Variants in COL4A2 observed in about 807,000 individuals in gnomAD.
The protein encoded by COL4A2 is collagen type IV alpha 2 chain.
Under a neutral mutation model 200.2 loss-of-function variants are expected in COL4A2, and 99 were observed. That is an observed-to-expected ratio of 0.49 (90% CI 0.42 to 0.58). The LOEUF (loss-of-function observed/expected upper bound fraction) is 0.58. Among genes scored for constraint, COL4A2 ranks in the 20% least tolerant of loss-of-function variants. The pLI, the probability that COL4A2 is intolerant of heterozygous loss-of-function variation, is 0.00. For missense variants in COL4A2, 1,950 were observed against 2,314.1 expected (o/e 0.84, Z 3.23); for synonymous variants, 897 against 900.6 (o/e 1.00, Z 0.07).
At chr13:110,374,854 C>G (rs1878170280) in intron 4 of COL4A2, among the ~76,000 whole-genome samples, 1 of 152,184 alleles carries the variant, frequency 6.6e-6, no homozygotes, top group Non-Finnish European at 1.5e-5. Flanking sequence ...CAGAAGCATT[C>G]CTGAGTCAAG....
intron 16 of COL4A2, 82 bp downstream of exon 16, chr13:110,439,915 G>A (rs753166059): frequency 3.3e-6 from 5 of 1,536,184 alleles, no homozygotes; most frequent in Non-Finnish European, 4.4e-6. Flanking sequence ...TGGCATCTCA[G>A]GAAAGAAAAT....
chr13:110,418,360 T>G (rs1880125967), intron 4 of COL4A2, among the ~76,000 whole-genome samples: 2 of 152,240 alleles, frequency 1.3e-5, no homozygotes, highest in Admixed American at 1.3e-4. Flanking sequence ...ACAATCAAAC[T>G]TTTTAAATCT....
At chr13:110,330,157 A>G (rs1015683902) in intron 3 of COL4A2, among the ~76,000 whole-genome samples, 3 of 152,194 alleles carry the variant, frequency 2.0e-5, no homozygotes, top group African/African-American at 7.2e-5. Flanking sequence ...CCTTTAACTG[A>G]GAATGGACCT....
At chr13:110,315,108 C>A (rs186903523) in intron 3 of COL4A2, among the ~76,000 whole-genome samples, 60 of 152,352 alleles carry the variant, frequency 3.9e-4, no homozygotes, top group Non-Finnish European at 7.9e-4. Context: ...CTGCCCGGCC[C>A]CTGCCAGTTC....
chr13:110,438,895 C>A lies in COL4A2; in HGVS notation c.912+227C>A, dbSNP rs536498271. ...ACAATCCGTGAACCATCTTGACACA[C>A]CGTCTTCACCCAGCAGCAGGTGTGC... On this transcript the variant is annotated intron_variant, in intron 15 of 47. Transcript: ENST00000360467. 9.1e-4 allele frequency among the ~76,000 whole-genome samples: 135 copies of A among 148,422 alleles called. 1 individual carries two copies. The highest frequency in any genetic ancestry group is 3.2e-3 in the African/African-American group (127 of 40,188).
intron 4 of COL4A2, among the ~76,000 whole-genome samples, chr13:110,375,520 G>C (rs1185366105): frequency 2.6e-5 from 4 of 152,158 alleles, no homozygotes; most frequent in Non-Finnish European, 5.9e-5. Flanking sequence ...AGGTATTTTG[G>C]ACCTTGAGTC....
intron 4 of COL4A2, among the ~76,000 whole-genome samples, chr13:110,419,464 G>A (rs996964160): frequency 1.3e-5 from 2 of 152,198 alleles, no homozygotes; most frequent in Admixed American, 6.5e-5. Context: ...TGTGTGATGT[G>A]GGGCCCTGAT....
At position 110,482,623 on chromosome 13, in the gene COL4A2, G is replaced by A. The variant is rs1427893299; in HGVS notation, c.2866G>A (p.Gly956Ser). The change falls in exon 32 of 48, where the codon GGT (glycine) becomes AGT (serine). Residue 956 changes from glycine (G) to serine (S), a missense_variant. Gly to Ser is a moderately conservative substitution (Grantham distance 56). Coordinates refer to ENST00000360467, the MANE Select transcript of COL4A2 (RefSeq NM_001846.4). Reference protein sequence around the residue: ...KGEAGFFGIPGLKGLAGEPGF... With the variant: ...KGEAGFFGIPSLKGLAGEPGF... ...CGAGGCTGGATTTTTCGGAATACCCGGTCTGAAGGGTCTGGCTGGTGAGCC... is the reference window on the plus strand; with the variant it reads ...CGAGGCTGGATTTTTCGGAATACCCAGTCTGAAGGGTCTGGCTGGTGAGCC... 5 of 1,613,960 alleles carry A rather than the reference G, an allele frequency of 3.1e-6. No homozygotes were observed. The highest frequency in any genetic ancestry group is 3.3e-5 in the Admixed American group (2 of 60,002).
chr13:110,386,736 T>C (rs1878767027), intron 4 of COL4A2, among the ~76,000 whole-genome samples: 1 of 152,138 alleles, frequency 6.6e-6, no homozygotes, highest in South Asian at 2.1e-4. Flanking sequence ...TAGAGAGTAC[T>C]CAGATAAAAA....
In COL4A2 at chr13:110,446,990, A is replaced by AT. The variant is rs200612311; in HGVS notation, c.1078+127dup. 71 of 351,020 alleles carry AT rather than the reference A, an allele frequency of 2.0e-4. 1 individual carries two copies. In the East Asian group the frequency reaches 2.3e-3, roughly 12 times the overall value. 21.7% of individuals were successfully genotyped at this position (351,020 alleles called of 1,614,324 possible). On this transcript the variant is annotated intron_variant, in intron 18 of 47. Transcript: ENST00000360467. ...CCCTAAAACTTAAAGTATAATAATA[A>AT]TAAAAAAAATAAAAAATAAACCACG...
Position 110,424,866 on chromosome 13 carries a change from G to A in COL4A2, c.313G>A (p.Val105Met), listed in dbSNP as rs772439696. ...APGVTGPKGD[V>M]GARGVSGFPG... ...CGGAGTAACGGGACCCAAGGGCGAC[G>A]TGGTACGCACCGCTGGTGTATTCCC... is the stretch of plus-strand genomic sequence containing the variant. Residue 105 changes from valine to methionine, a missense_variant and splice_region_variant, in exon 5 of 48, where the codon GTG (valine) becomes ATG (methionine). This residue lies in a region of COL4A2 where 565 missense variants were observed against 593.5 expected (regional missense o/e 0.95). Coordinates refer to ENST00000360467, the MANE Select transcript of COL4A2 (RefSeq NM_001846.4). 6.8e-6 allele frequency: 11 copies of A among 1,614,168 alleles called. No individual in the cohort carries two copies. Among genetic ancestry groups the A allele is most frequent in the African/African-American group, 2.7e-5 (2 of 75,066 alleles).
At chr13:110,473,256 T>G in intron 29 of COL4A2, 106 bp downstream of exon 29, 1 of 1,079,916 alleles carries the variant, frequency 9.3e-7, no homozygotes, top group Non-Finnish European at 1.3e-6. Flanking sequence ...AGCGGTGCCC[T>G]ATAGTGCTAG....
intron 6 of COL4A2, among the ~76,000 whole-genome samples, chr13:110,428,008 TC>T (rs1232405657): frequency 6.6e-6 from 1 of 152,230 alleles, no homozygotes; most frequent in African/African-American, 2.4e-5. Context: ...CTCCCTGTTT[TC>T]CCTGAGAAGG....
chr13:110,404,015 G>T (rs1879472203), intron 4 of COL4A2, among the ~76,000 whole-genome samples: 1 of 152,102 alleles, frequency 6.6e-6, no homozygotes, highest in African/African-American at 2.4e-5. Context: ...GGGCCTCTTT[G>T]AGAGATGCAC....
intron 4 of COL4A2, among the ~76,000 whole-genome samples, chr13:110,391,803 C>G (rs971499293): frequency 2.6e-5 from 4 of 152,222 alleles, no homozygotes; most frequent in African/African-American, 9.6e-5. Flanking sequence ...TCCACCCGTC[C>G]TGAGAGTGAA....
chr13:110,372,940 G>C (rs1878080970), intron 4 of COL4A2, among the ~76,000 whole-genome samples: 1 of 152,182 alleles, frequency 6.6e-6, no homozygotes, highest in African/African-American at 2.4e-5. Context: ...TCCAAACTGT[G>C]GTATAGGTTC....
rs370447219 is a variant in COL4A2 at position 110,493,245 on chromosome 13, C to A, written c.3597C>A (p.His1199Gln). 6.2e-7 allele frequency: 1 copy of A among 1,614,184 alleles called. No individual in the cohort carries two copies. Among genetic ancestry groups the A allele is most frequent in the African/African-American group, 1.3e-5 (1 of 75,070 alleles). ...FPGLRGIRGLHGLPGTKGFPG... is the reference protein window; with the variant it reads ...FPGLRGIRGLQGLPGTKGFPG... ...GACTCCGTGGGATCCGCGGCTTACACGGCTTGCCAGGCACCAAGGGCTTTC... is the reference window on the plus strand; with the variant it reads ...GACTCCGTGGGATCCGCGGCTTACAAGGCTTGCCAGGCACCAAGGGCTTTC... The change falls in exon 39 of 48, where the codon CAC becomes CAA. Residue 1199 changes from histidine to glutamine, a missense_variant. This residue lies in a region of COL4A2 where 1,385 missense variants were observed against 1,720.5 expected (regional missense o/e 0.80). Coordinates refer to ENST00000360467, the MANE Select transcript of COL4A2 (RefSeq NM_001846.4).
intron 4 of COL4A2, among the ~76,000 whole-genome samples, chr13:110,375,552 C>G (rs886156699): frequency 6.6e-6 from 1 of 152,100 alleles, no homozygotes; most frequent in African/African-American, 2.4e-5. Context: ...TTGACAGAGC[C>G]GGTGCAGTGT....
intron 4 of COL4A2, among the ~76,000 whole-genome samples, chr13:110,388,241 A>G (rs1241633634): frequency 6.6e-6 from 1 of 152,192 alleles, no homozygotes; most frequent in African/African-American, 2.4e-5. Flanking sequence ...GCGAGCCCTC[A>G]AGCGCAGTCT....
Sources: gnomAD v4.1 joint callset for allele counts (sites outside exome capture counted in the v4.1 genomes callset) on GRCh38, gnomAD v4.1.1 for gene constraint, gnomAD v4.1.1 regional missense constraint, MANE v1.5 for transcripts, NCBI Gene and HGNC (gene_info 2026-07-23, HGNC 2026-07-21) for gene names.